TAF3: variants seen among roughly 807,000 people sequenced by gnomAD.
TAF3 encodes the protein transcription initiation factor TFIID subunit 3.
Under a neutral mutation model 80.6 loss-of-function variants are expected in TAF3, and 7 were observed. The observed-to-expected ratio is 0.09, with a 90% confidence interval of 0.05 to 0.16. TAF3 has a LOEUF of 0.16. Ranked by LOEUF, TAF3 falls within the 10% of genes least tolerant of loss-of-function variation. The pLI is 1.00. For synonymous variants in TAF3, 444 were observed against 446.1 expected (o/e 1.00, Z 0.06); for missense variants, 921 against 1,140.2 (o/e 0.81, Z 2.77).
At position 8,016,438 on chromosome 10, in the gene TAF3, G is replaced by A. The variant is rs576958730; in HGVS notation, c.*1687G>A. 3 of 152,236 alleles carry A rather than the reference G, an allele frequency of 2.0e-5. No homozygotes were observed. In the East Asian group the frequency reaches 5.8e-4, roughly 29 times the overall value. 9.4% of individuals were successfully genotyped at this position (152,236 alleles called of 1,614,324 possible). On this transcript the variant is annotated 3_prime_UTR_variant, in exon 7 of 7. Transcript: ENST00000344293. ...GTGTCATTGCCCTCGTTGTTCAAGA[G>A]GCCAGAATTTTTCTATCCCCGCTAA...
At chr10:7,957,842 G>A (rs533898323) in intron 2 of TAF3, among the ~76,000 whole-genome samples, 5 of 143,054 alleles carry the variant, frequency 3.5e-5, no homozygotes, top group Middle Eastern at 3.6e-3. Flanking sequence ...TTGGAACACA[G>A]CTATTATTAT....
intron 2 of TAF3, among the ~76,000 whole-genome samples, chr10:7,906,799 T>C (rs943020413): frequency 4.0e-5 from 6 of 151,028 alleles, no homozygotes; most frequent in African/African-American, 7.3e-5. Context: ...CCCAGGCTGG[T>C]CTCAAACTCC....
chr10:8,006,140 C>T (rs903361126), intron 4 of TAF3, among the ~76,000 whole-genome samples: 1 of 151,138 alleles, frequency 6.6e-6, no homozygotes, highest in Non-Finnish European at 1.5e-5. Context: ...GACCAGCCTG[C>T]CCAACATGGA....
chr10:8,011,715 T>G (rs568599157), intron 5 of TAF3, among the ~76,000 whole-genome samples: 1 of 152,372 alleles, frequency 6.6e-6, no homozygotes, highest in Non-Finnish European at 1.5e-5. Context: ...AGGAAAGATT[T>G]TGTACTTAAC....
At chr10:7,895,126 A>C (rs563493729) in intron 2 of TAF3, among the ~76,000 whole-genome samples, 3 of 152,172 alleles carry the variant, frequency 2.0e-5, no homozygotes, top group Non-Finnish European at 4.4e-5. Context: ...CGGCCTCCCA[A>C]AGTGCTGGGA....
intron 2 of TAF3, among the ~76,000 whole-genome samples, chr10:7,936,511 T>TTC (rs1588558212): frequency 6.6e-6 from 1 of 151,982 alleles, no homozygotes; most frequent in East Asian, 1.9e-4. Flanking sequence ...TTTTTTTTTT[T>TTC]CTTAATAGAC....
intron 2 of TAF3, among the ~76,000 whole-genome samples, chr10:7,838,741 C>T (rs968479377): frequency 2.6e-5 from 4 of 152,004 alleles, no homozygotes; most frequent in East Asian, 1.9e-4. Flanking sequence ...CCCTAACATC[C>T]GACGCTATAA....
At chr10:7,946,325 C>T (rs1356554900) in intron 2 of TAF3, among the ~76,000 whole-genome samples, 1 of 152,198 alleles carries the variant, frequency 6.6e-6, no homozygotes, top group Non-Finnish European at 1.5e-5. Flanking sequence ...CACATGCTGT[C>T]CCTGCACCTG....
chr10:7,839,977 C>T (rs1235732013), intron 2 of TAF3, among the ~76,000 whole-genome samples: 1 of 152,102 alleles, frequency 6.6e-6, no homozygotes, highest in African/African-American at 2.4e-5. Flanking sequence ...AATTCTCTGC[C>T]TTTCAAAAAG....
At chr10:7,984,033 G>C (rs867174857) in intron 4 of TAF3, among the ~76,000 whole-genome samples, 1 of 151,978 alleles carries the variant, frequency 6.6e-6, no homozygotes, top group Non-Finnish European at 1.5e-5. Flanking sequence ...GAAATTCCTA[G>C]GCTCTGAACA....
At chr10:7,994,030 CCT>C (rs1208790975) in intron 4 of TAF3, among the ~76,000 whole-genome samples, 1 of 144,714 alleles carries the variant, frequency 6.9e-6, no homozygotes, top group African/African-American at 2.6e-5. Flanking sequence ...CATCCCTCCC[CCT>C]CTCTCTTTCT....
At chr10:7,909,829 C>T (rs939691715) in intron 2 of TAF3, among the ~76,000 whole-genome samples, 1 of 152,124 alleles carries the variant, frequency 6.6e-6, no homozygotes, top group Non-Finnish European at 1.5e-5. Flanking sequence ...CTTTATTCTT[C>T]CTACTCGCTG....
intron 4 of TAF3, among the ~76,000 whole-genome samples, chr10:7,991,020 A>G (rs1831828310): frequency 6.6e-6 from 1 of 152,178 alleles, no homozygotes; most frequent in African/African-American, 2.4e-5. Flanking sequence ...TAAGACCTTC[A>G]AGGTTAGGAG....
intron 2 of TAF3, among the ~76,000 whole-genome samples, chr10:7,847,266 A>T (rs1010867814): frequency 6.6e-6 from 1 of 152,242 alleles, no homozygotes; most frequent in African/African-American, 2.4e-5. Context: ...GAATTGACAT[A>T]TGTCTAAGAA....
intron 2 of TAF3, among the ~76,000 whole-genome samples, chr10:7,875,476 GA>G (rs1837304917): frequency 6.6e-6 from 1 of 152,122 alleles, no homozygotes; most frequent in African/African-American, 2.4e-5. Context: ...ATAAGAAAGA[GA>G]AAACCAAGAG....
chr10:7,960,077 C>T (rs374013108), intron 2 of TAF3, among the ~76,000 whole-genome samples: 1 of 152,174 alleles, frequency 6.6e-6, no homozygotes, highest in Non-Finnish European at 1.5e-5. Flanking sequence ...TCTAAAGACC[C>T]GTTATCCTGC....
At chr10:7,833,928 C>T (rs1223284692) in intron 2 of TAF3, 1 of 500,716 alleles carries the variant, frequency 2.0e-6, no homozygotes, top group East Asian at 5.1e-5. Context: ...AGTGGGGCTT[C>T]AAGATCTTGC....
Position 7,842,151 on chromosome 10 carries a change from G to GTTTTTTTT in TAF3, c.409+17596_409+17603dup, listed in dbSNP as rs71505465. On this transcript the variant is annotated intron_variant, in intron 2 of 6. Coordinates refer to ENST00000344293, the MANE Select transcript of TAF3 (RefSeq NM_031923.4). Reference sequence around the variant, plus strand: ...CATTGTAGGATATTGAATTAATATTGTTTTTTTTTTTTGTTTTTTTTTTTG... The same window carrying GTTTTTTTT: ...CATTGTAGGATATTGAATTAATATTGTTTTTTTTTTTTTTTTTTTTGTTTTTTTTTTTG... Among the ~76,000 whole-genome samples the GTTTTTTTT allele has an allele frequency of 3.6e-4, 36 of 98,792 alleles. 2 individuals are homozygous for GTTTTTTTT. The highest frequency in any genetic ancestry group is 6.4e-4 in the Non-Finnish European group (30 of 46,634). The allele number at this position is 98,792 out of a possible 152,430, so 64.8% of individuals were successfully genotyped here.
At chr10:7,947,590 C>T (rs1186547635) in intron 2 of TAF3, among the ~76,000 whole-genome samples, 1 of 152,224 alleles carries the variant, frequency 6.6e-6, no homozygotes, top group Admixed American at 6.5e-5. Context: ...ACGAGAGAAG[C>T]AGCCGTGAGC....
Sources: allele counts gnomAD v4.1 joint callset (sites outside exome capture counted in the v4.1 genomes callset), GRCh38; gene constraint gnomAD v4.1.1; transcripts MANE v1.5; gene names NCBI Gene and HGNC (gene_info 2026-07-23, HGNC 2026-07-21).